The following SHISA9 variants were observed in gnomAD, a reference collection of about 807,000 sequenced individuals.
The protein encoded by SHISA9 is protein shisa-9.
A neutral mutation model predicts 38.0 loss-of-function variants in SHISA9; 13 were observed. That is an observed-to-expected ratio of 0.34 (90% CI 0.22 to 0.54). The LOEUF (loss-of-function observed/expected upper bound fraction) is 0.54, where lower values mean the gene tolerates loss of function less well. Ranked by LOEUF, SHISA9 falls within the 20% of genes least tolerant of loss-of-function variation. The probability of loss-of-function intolerance (pLI) is 0.91; values close to 1 mark genes in which losing one functional copy is unlikely to be tolerated. For missense variants in SHISA9, 538 were observed against 575.8 expected (o/e 0.93, Z 0.67); for synonymous variants, 275 against 242.0 (o/e 1.14, Z -1.27).
chr16:13,151,846 A>C (rs2050502186), intron 2 of SHISA9, among the ~76,000 whole-genome samples: 1 of 152,200 alleles, frequency 6.6e-6, no homozygotes. Context: ...TTTTCTCAGG[A>C]ATTTATTCTT....
At chr16:13,490,886 G>A in the SHISA9 span, among the ~76,000 whole-genome samples, 4 of 152,130 alleles carry the variant, frequency 2.6e-5, no homozygotes. Context: ...TTCACTATTT[G>A]GGAGAGGGAA....
At chr16:13,378,795 A>C in the SHISA9 span, among the ~76,000 whole-genome samples, 2 of 152,216 alleles carry the variant, frequency 1.3e-5, no homozygotes, top group African/African-American at 4.8e-5. Flanking sequence ...GTTCAATAAC[A>C]AGGTGATAAA....
chr16:13,186,862 ATGT>A lies in SHISA9; in HGVS notation c.692-16528_692-16526del, dbSNP rs1411910311. 2.0e-5 allele frequency among the ~76,000 whole-genome samples: 3 copies of A among 152,234 alleles called. No individual in the cohort carries two copies. The East Asian group carries it at 5.8e-4, about 29-fold the overall frequency. ...TGGCTAATTTCACTTAGCATAAATA[ATGT>A]TGTCAAGATTTGTTCATATCATGGC... On this transcript the variant is annotated intron_variant, in intron 2 of 4. Transcript: ENST00000558583.
At chr16:13,132,710 G>GA (rs1435960299) in intron 2 of SHISA9, among the ~76,000 whole-genome samples, 13 of 152,252 alleles carry the variant, frequency 8.5e-5, no homozygotes, top group Admixed American at 7.9e-4. Flanking sequence ...CTGATGAAGG[G>GA]AAAAATTAAC....
At chr16:12,974,111 G>GA (rs1184490408) in intron 2 of SHISA9, among the ~76,000 whole-genome samples, 3 of 152,240 alleles carry the variant, frequency 2.0e-5, no homozygotes, top group East Asian at 3.9e-4. Context: ...GGCCTAGGAA[G>GA]AAAAGGGACC....
chr16:13,337,432 G>A, the SHISA9 span, among the ~76,000 whole-genome samples: 10 of 152,228 alleles, frequency 6.6e-5, no homozygotes, highest in East Asian at 1.9e-4. Flanking sequence ...CCCCAGCCAC[G>A]TGGAACTGTG....
intron 2 of SHISA9, among the ~76,000 whole-genome samples, chr16:13,013,690 G>A (rs2072706360): frequency 6.6e-6 from 1 of 152,148 alleles, no homozygotes; most frequent in African/African-American, 2.4e-5. Flanking sequence ...AGGTGTGCTA[G>A]ATCTAGAGGT....
At chr16:13,214,852 C>A (rs1467825137) in intron 4 of SHISA9, among the ~76,000 whole-genome samples, 1 of 152,168 alleles carries the variant, frequency 6.6e-6, no homozygotes, top group Non-Finnish European at 1.5e-5. Context: ...CAATCATCTC[C>A]CACCGGGTTC....
the SHISA9 span, among the ~76,000 whole-genome samples, chr16:13,287,830 A>G: frequency 6.6e-6 from 1 of 152,166 alleles, no homozygotes; most frequent in Non-Finnish European, 1.5e-5. Context: ...ATGAAGATAA[A>G]TGGAGGCCTC....
intron 2 of SHISA9, among the ~76,000 whole-genome samples, chr16:13,105,982 C>T (rs917652608): frequency 6.6e-6 from 1 of 152,202 alleles, no homozygotes; most frequent in African/African-American, 2.4e-5. Context: ...GCCCTGGTCT[C>T]TCTATTCCCA....
the SHISA9 span, among the ~76,000 whole-genome samples, chr16:13,361,055 C>G: frequency 6.6e-6 from 1 of 152,166 alleles, no homozygotes; most frequent in South Asian, 2.1e-4. Flanking sequence ...TGGAGAGATT[C>G]AAATAGACAC....
the SHISA9 span, among the ~76,000 whole-genome samples, chr16:13,537,152 G>T: frequency 2.0e-5 from 3 of 152,108 alleles, no homozygotes; most frequent in Non-Finnish European, 4.4e-5. Context: ...TAAGGGCCAG[G>T]CCTGGTGGCT....
At chr16:13,214,084 T>C (rs1355615522) in intron 4 of SHISA9, among the ~76,000 whole-genome samples, 2 of 152,222 alleles carry the variant, frequency 1.3e-5, no homozygotes. Flanking sequence ...TATTTTCCAC[T>C]AGGGTGTAAT....
chr16:12,970,418 C>CATATATGTATAT (rs2072054118), intron 2 of SHISA9, among the ~76,000 whole-genome samples: 1 of 9,586 alleles, frequency 1.0e-4, no homozygotes, highest in Non-Finnish European at 2.2e-4. Context: ...TATATATATA[C>CATATATGTATAT]ACATATATGT....
At chr16:13,002,838 C>T (rs943695851) in intron 2 of SHISA9, among the ~76,000 whole-genome samples, 2 of 152,070 alleles carry the variant, frequency 1.3e-5, no homozygotes, top group African/African-American at 4.8e-5. Flanking sequence ...CAGCCAGTTC[C>T]TGTCTTCATG....
the SHISA9 span, among the ~76,000 whole-genome samples, chr16:13,401,438 G>T: frequency 2.6e-5 from 4 of 152,184 alleles, no homozygotes; most frequent in African/African-American, 9.7e-5. Context: ...GAAAGACCCT[G>T]CTATGGGCTA....
At chr16:13,492,932 G>C in the SHISA9 span, among the ~76,000 whole-genome samples, 2 of 152,338 alleles carry the variant, frequency 1.3e-5, no homozygotes, top group East Asian at 3.9e-4. Flanking sequence ...AGAGGCCTCT[G>C]TGGCTAGAGA....
intron 2 of SHISA9, among the ~76,000 whole-genome samples, chr16:13,040,003 C>T (rs968052650): frequency 2.6e-5 from 4 of 152,200 alleles, no homozygotes; most frequent in Admixed American, 6.5e-5. Context: ...ATTTCTTACA[C>T]TTTCTGGCAC....
the SHISA9 span, among the ~76,000 whole-genome samples, chr16:13,557,457 T>A: frequency 1.3e-5 from 2 of 152,194 alleles, no homozygotes; most frequent in Non-Finnish European, 2.9e-5. Context: ...AGTACTGGAA[T>A]AAATGATGAT....
Sources: allele counts gnomAD v4.1 joint callset (sites outside exome capture counted in the v4.1 genomes callset), GRCh38; gene constraint gnomAD v4.1.1; transcripts MANE v1.5; gene names NCBI Gene and HGNC (gene_info 2026-07-23, HGNC 2026-07-21).